The following SNX30 variants were observed in gnomAD, a reference collection of about 807,000 sequenced individuals.
SNX30 encodes the protein sorting nexin-30.
A neutral mutation model predicts 46.4 loss-of-function variants in SNX30; 24 were observed. The ratio of observed to expected loss-of-function variants is 0.52; its 90% CI spans 0.37 to 0.73. The LOEUF is 0.73. SNX30 is among the 30% of genes least tolerant of loss of function. The pLI, the probability that SNX30 is intolerant of heterozygous loss-of-function variation, is 0.00. For missense variants in SNX30, 533 were observed against 555.7 expected (o/e 0.96, Z 0.41); for synonymous variants, 189 against 211.5 (o/e 0.89, Z 0.92).
intron 3 of SNX30, among the ~76,000 whole-genome samples, chr9:112,819,266 CTTTTTTTT>C (rs35138610): frequency 3.4e-5 from 4 of 116,996 alleles, no homozygotes; most frequent in Non-Finnish European, 5.0e-5. Context: ...TTCTTTCTTT[CTTTTTTTT>C]TTTTTTTTTT....
At chr9:112,807,560 T>C (rs1410302701) in intron 2 of SNX30, among the ~76,000 whole-genome samples, 1 of 152,230 alleles carries the variant, frequency 6.6e-6, no homozygotes, top group Non-Finnish European at 1.5e-5. Context: ...ATTTATTTAT[T>C]TTTTTCTAGG....
chr9:112,829,684 G>A (rs1201706680), intron 3 of SNX30, among the ~76,000 whole-genome samples: 1 of 152,210 alleles, frequency 6.6e-6, no homozygotes, highest in East Asian at 1.9e-4. Context: ...GTTTTCCACA[G>A]TGGCTGCACA....
chr9:112,828,928 C>G (rs1840617831), intron 3 of SNX30, among the ~76,000 whole-genome samples: 1 of 151,950 alleles, frequency 6.6e-6, no homozygotes, highest in South Asian at 2.1e-4. Flanking sequence ...CCCGATCTCT[C>G]CAGCCCCTGG....
At chr9:112,801,287 C>G in intron 1 of SNX30, among the ~76,000 whole-genome samples, 1 of 19,508 alleles carries the variant, frequency 5.1e-5, no homozygotes, top group Non-Finnish European at 1.1e-4. Context: ...CTATAAATTT[C>G]CCTCTACACA....
At chr9:112,826,053 C>T (rs1265995388) in intron 3 of SNX30, among the ~76,000 whole-genome samples, 1 of 152,108 alleles carries the variant, frequency 6.6e-6, no homozygotes, top group African/African-American at 2.4e-5. Flanking sequence ...AGAATGGACC[C>T]CTATTGTAGA....
At chr9:112,847,623 A>T (rs2131474947) in intron 6 of SNX30, among the ~76,000 whole-genome samples, 1 of 152,186 alleles carries the variant, frequency 6.6e-6, no homozygotes, top group Admixed American at 6.5e-5. Context: ...TTCTTTGTCC[A>T]TTTATTTTTC....
At chr9:112,846,330 A>G (rs960789378) in intron 6 of SNX30, among the ~76,000 whole-genome samples, 1 of 152,212 alleles carries the variant, frequency 6.6e-6, no homozygotes, top group African/African-American at 2.4e-5. Flanking sequence ...AATTTTCCAA[A>G]TTTTGTGTAA....
chr9:112,817,401 C>CTTTTGTTTTTTTTTTT (rs1840414576), intron 2 of SNX30, among the ~76,000 whole-genome samples: 2 of 46,832 alleles, frequency 4.3e-5, no homozygotes, highest in African/African-American at 9.7e-5. Context: ...AAAAAACTGG[C>CTTTTGTTTTTTTTTTT]TTTTTTTTTT....
intron 3 of SNX30, among the ~76,000 whole-genome samples, chr9:112,823,874 C>G (rs1188140358): frequency 6.6e-6 from 1 of 152,126 alleles, no homozygotes. Context: ...TTGCATTAAA[C>G]TGGGCTTGGT....
intron 2 of SNX30, among the ~76,000 whole-genome samples, chr9:112,816,634 A>G (rs1025605589): frequency 3.9e-5 from 6 of 152,168 alleles, no homozygotes; most frequent in African/African-American, 1.4e-4. Flanking sequence ...TGAAATCATA[A>G]TTTTTGATGC....
intron 7 of SNX30, among the ~76,000 whole-genome samples, chr9:112,860,961 G>A (rs1841218057): frequency 6.6e-6 from 1 of 152,140 alleles, no homozygotes; most frequent in South Asian, 2.1e-4. Flanking sequence ...AGTGTTGCAG[G>A]GGTAAGAAGA....
intron 8 of SNX30, among the ~76,000 whole-genome samples, chr9:112,867,563 C>T (rs1459085203): frequency 2.0e-5 from 3 of 151,424 alleles, no homozygotes; most frequent in Admixed American, 6.6e-5. Context: ...CCTCAGAACT[C>T]CTTTCACTTC....
At chr9:112,773,653 A>G (rs1457339201) in intron 1 of SNX30, among the ~76,000 whole-genome samples, 2 of 152,216 alleles carry the variant, frequency 1.3e-5, no homozygotes, top group Non-Finnish European at 2.9e-5. Flanking sequence ...TAGTGAGACT[A>G]TGATAAAACT....
chr9:112,848,956 G>T (rs1840982383), intron 6 of SNX30, among the ~76,000 whole-genome samples: 1 of 152,222 alleles, frequency 6.6e-6, no homozygotes, highest in Non-Finnish European at 1.5e-5. Flanking sequence ...TTGTTCCAGG[G>T]CATTGTCTTA....
intron 1 of SNX30, among the ~76,000 whole-genome samples, chr9:112,758,545 G>A (rs888165643): frequency 6.6e-6 from 1 of 152,070 alleles, no homozygotes; most frequent in Non-Finnish European, 1.5e-5. Context: ...GGCCAGGCTG[G>A]TCTTGACGCC....
At chr9:112,827,015 G>T (rs940783058) in intron 3 of SNX30, among the ~76,000 whole-genome samples, 22 of 152,154 alleles carry the variant, frequency 1.4e-4, no homozygotes, top group Non-Finnish European at 2.9e-4. Context: ...TTTTATTCCT[G>T]ACTCTATTCC....
At chr9:112,830,338 A>C (rs78024125) in intron 3 of SNX30, among the ~76,000 whole-genome samples, 2,635 of 152,118 alleles carry the variant, frequency 0.017, 59 homozygotes, top group East Asian at 0.12. Flanking sequence ...ATAAATTTTT[A>C]TGTGGTTGAT....
chr9:112,786,803 C>G (rs183194447), intron 1 of SNX30, among the ~76,000 whole-genome samples: 319 of 152,148 alleles, frequency 2.1e-3, no homozygotes, highest in Admixed American at 3.7e-3. Context: ...ACGCCTGGCC[C>G]CTTCTTGCCT....
rs559374264 is a variant in SNX30 at position 112,837,544 on chromosome 9, C to T, written c.815-954C>T. The stretch of plus-strand genomic sequence containing the variant: ...AGGCTGGAGTGCAGTGGCACCATCT[C>T]GGCTCACTGCAAGCGCCGCCTCCCG... On this transcript the variant is annotated intron_variant, in intron 5 of 8. Transcript: ENST00000374232. 7.0e-4 allele frequency among the ~76,000 whole-genome samples: 106 copies of T among 151,464 alleles called. 1 individual carries two copies. Among genetic ancestry groups the T allele is most frequent in the African/African-American group, 2.1e-3 (86 of 41,292 alleles).
Sources: gnomAD v4.1 joint callset for allele counts (sites outside exome capture counted in the v4.1 genomes callset) on GRCh38, gnomAD v4.1.1 for gene constraint, MANE v1.5 for transcripts, NCBI Gene and HGNC (gene_info 2026-07-23, HGNC 2026-07-21) for gene names.